ARHGAP26: variants seen among roughly 807,000 people sequenced by gnomAD.
ARHGAP26 encodes Rho GTPase activating protein 26.
A neutral mutation model predicts 104.8 loss-of-function variants in ARHGAP26; 38 were observed. That is an observed-to-expected ratio of 0.36 (90% CI 0.28 to 0.48). ARHGAP26 has a LOEUF of 0.48. ARHGAP26 is among the 20% of genes least tolerant of loss of function. The pLI, the probability that ARHGAP26 is intolerant of heterozygous loss-of-function variation, is 0.99. For synonymous variants in ARHGAP26, 341 were observed against 340.0 expected, an observed-to-expected ratio of 1.00 and a Z score of -0.03; for missense variants, 704 against 947.9, an observed-to-expected ratio of 0.74 and a Z score of 3.38.
intron 17 of ARHGAP26, among the ~76,000 whole-genome samples, chr5:143,090,528 G>A (rs1234274446): frequency 6.6e-6 from 1 of 152,214 alleles, no homozygotes; most frequent in African/African-American, 2.4e-5. Flanking sequence ...AGAGGAAGGT[G>A]CAGGTGGCGG....
chr5:142,982,701 C>T (rs1016041747), intron 11 of ARHGAP26, among the ~76,000 whole-genome samples: 1 of 152,170 alleles, frequency 6.6e-6, no homozygotes, highest in African/African-American at 2.4e-5. Context: ...AAATGGTATG[C>T]ATTCCTTAGC....
chr5:142,860,151 A>G (rs1753078129), intron 1 of ARHGAP26: 1 of 152,190 alleles, frequency 6.6e-6, no homozygotes, highest in African/African-American at 2.4e-5. Flanking sequence ...CCACTGTCGC[A>G]CTGGATCTCA....
chr5:142,913,125 C>T (rs1452786257), intron 9 of ARHGAP26, 74 bp from the exon 10 acceptor site: 1 of 1,234,126 alleles, frequency 8.1e-7, no homozygotes, highest in African/African-American at 1.5e-5. Flanking sequence ...CTCCTGTTTA[C>T]ATGTCATGTA....
chr5:143,214,975 C>A (rs1810115826), intron 22 of ARHGAP26, among the ~76,000 whole-genome samples: 1 of 152,244 alleles, frequency 6.6e-6, no homozygotes, highest in African/African-American at 2.4e-5. Context: ...GCCCAGCCAC[C>A]TCTCCTGTCC....
At chr5:143,044,864 GGTGCTCTGAA>G (rs1392582744) in intron 14 of ARHGAP26, among the ~76,000 whole-genome samples, 3 of 152,148 alleles carry the variant, frequency 2.0e-5, no homozygotes, top group Non-Finnish European at 4.4e-5. Flanking sequence ...GAACTAAATA[GGTGCTCTGAA>G]GTCAGGAAAA....
chr5:143,211,571 CTACT>C (rs1809467733), intron 21 of ARHGAP26, among the ~76,000 whole-genome samples: 1 of 147,598 alleles, frequency 6.8e-6, no homozygotes, highest in Admixed American at 6.9e-5. Flanking sequence ...ATTTATTTAC[CTACT>C]TACTTTTTTT....
At chr5:142,983,952 A>G (rs184864993) in intron 11 of ARHGAP26, among the ~76,000 whole-genome samples, 7 of 152,260 alleles carry the variant, frequency 4.6e-5, no homozygotes, top group African/African-American at 1.7e-4. Context: ...AAAATCCAAC[A>G]AACAATGGCT....
intron 22 of ARHGAP26, 81 bp from the exon 23 acceptor site, chr5:143,222,276 CA>C: frequency 6.6e-6 from 5 of 756,718 alleles, no homozygotes; most frequent in African/African-American, 3.8e-5. Context: ...CACACACACA[CA>C]CACACACCCC....
intron 22 of ARHGAP26, among the ~76,000 whole-genome samples, chr5:143,221,658 G>A (rs1356349891): frequency 6.6e-6 from 1 of 152,072 alleles, no homozygotes; most frequent in Non-Finnish European, 1.5e-5. Context: ...AAGTAGCTGG[G>A]ACTACAGACA....
intron 12 of ARHGAP26, among the ~76,000 whole-genome samples, chr5:143,017,462 C>T (rs1462258205): frequency 6.6e-6 from 1 of 152,220 alleles, no homozygotes; most frequent in African/African-American, 2.4e-5. Flanking sequence ...ATGAATTCAT[C>T]ACACTCCCCT....
chr5:143,044,829 G>A (rs142057997), intron 14 of ARHGAP26, among the ~76,000 whole-genome samples: 63 of 152,280 alleles, frequency 4.1e-4, no homozygotes, highest in African/African-American at 1.5e-3. Context: ...TAATAGATCA[G>A]GCAAGGCAAA....
intron 12 of ARHGAP26, among the ~76,000 whole-genome samples, chr5:143,020,150 A>G (rs912353153): frequency 6.6e-6 from 1 of 152,158 alleles, no homozygotes; most frequent in Non-Finnish European, 1.5e-5. Context: ...CCTTCAGTGA[A>G]TGCCTCTAGA....
At chr5:143,036,336 G>A (rs551323128) in intron 12 of ARHGAP26, among the ~76,000 whole-genome samples, 1 of 152,134 alleles carries the variant, frequency 6.6e-6, no homozygotes. Flanking sequence ...TTCCAGCCTT[G>A]TTGTCAGGTT....
chr5:143,168,229 G>GTT (rs1275007647), intron 20 of ARHGAP26, among the ~76,000 whole-genome samples: 2 of 152,096 alleles, frequency 1.3e-5, no homozygotes, highest in African/African-American at 4.8e-5. Flanking sequence ...TATTACAATT[G>GTT]TTTTGTTTTC....
intron 1 of ARHGAP26, among the ~76,000 whole-genome samples, chr5:142,793,017 T>TC (rs1266797913): frequency 6.6e-6 from 1 of 152,128 alleles, no homozygotes; most frequent in Non-Finnish European, 1.5e-5. Flanking sequence ...CCATGGGTAT[T>TC]CCCCCTAGGC....
chr5:142,878,661 T>G (rs1208025344), intron 3 of ARHGAP26, among the ~76,000 whole-genome samples: 1 of 152,200 alleles, frequency 6.6e-6, no homozygotes, highest in African/African-American at 2.4e-5. Flanking sequence ...AGGTGACCTT[T>G]AAGCTGAAAT....
rs11369150 is a variant in ARHGAP26, at chr5:142,949,232, G to GAGAGAGAGAGAGAGA, written c.1107+17107_1107+17108insAGAGAGAGAGAGAGA. 8.4e-4 allele frequency among the ~76,000 whole-genome samples: 23 copies of GAGAGAGAGAGAGAGA among 27,314 alleles called. 5 individuals carry two copies. Among genetic ancestry groups the GAGAGAGAGAGAGAGA allele is most frequent in the African/African-American group, 7.1e-3 (23 of 3,250 alleles). The allele number at this position is 27,314 out of a possible 152,430, so 17.9% of individuals were successfully genotyped here. A position where few individuals can be genotyped will look rare whatever the true frequency, so the allele number is the denominator to read the frequency against. ...GAGAGAGAGAGAGAGGAGAGAGAGA[G>GAGAGAGAGAGAGAGA]GAGAGAGAGAGAGAGAGAGAGAGAG... On this transcript the variant is annotated intron_variant, in intron 11 of 22. Coordinates refer to ENST00000645722, the MANE Select transcript of ARHGAP26 (RefSeq NM_001135608.3).
chr5:143,036,161 A>G (rs1598740766), intron 12 of ARHGAP26, among the ~76,000 whole-genome samples: 1 of 152,188 alleles, frequency 6.6e-6, no homozygotes, highest in Non-Finnish European at 1.5e-5. Context: ...AGATGACCGC[A>G]AATCATCTAT....
chr5:142,777,709 G>T (rs1756619583), intron 1 of ARHGAP26, among the ~76,000 whole-genome samples: 1 of 152,162 alleles, frequency 6.6e-6, no homozygotes. Flanking sequence ...TGGCTTTTTG[G>T]ATGGAGGTAA....
Sources: allele counts gnomAD v4.1 joint callset (sites outside exome capture counted in the v4.1 genomes callset), GRCh38; gene constraint gnomAD v4.1.1; transcripts MANE v1.5; gene names NCBI Gene and HGNC (gene_info 2026-07-23, HGNC 2026-07-21).